Variants in ZNF680 observed in about 807,000 individuals in gnomAD.
The protein encoded by ZNF680 is hypothetical protein FLJ90430.
Under a neutral mutation model 12.1 loss-of-function variants are expected in ZNF680, and 6 were observed. That is an observed-to-expected ratio of 0.49 (90% CI 0.27 to 0.98). The LOEUF is 0.98. Ranked by LOEUF, ZNF680 falls within the 50% of genes least tolerant of loss-of-function variation. The pLI, the probability that ZNF680 is intolerant of heterozygous loss-of-function variation, is 0.12. For missense variants in ZNF680, 561 were observed against 616.3 expected (o/e 0.91, Z 0.95); for synonymous variants, 170 against 199.3 (o/e 0.85, Z 1.24).
At chr7:64,535,799 C>T (rs1786134698) in intron 3 of ZNF680, among the ~76,000 whole-genome samples, 1 of 151,980 alleles carries the variant, frequency 6.6e-6, no homozygotes, top group Non-Finnish European at 1.5e-5. Context: ...CAAAAAGTAG[C>T]CAGGCATCGT....
chr7:64,516,835 A>C (rs567597922), downstream of ZNF680, among the ~76,000 whole-genome samples: 4 of 152,344 alleles, frequency 2.6e-5, no homozygotes, highest in Admixed American at 2.6e-4. Context: ...ATTCAAATAC[A>C]TGGAAATTAA....
At chr7:64,505,058 C>T in the ZNF680 span, among the ~76,000 whole-genome samples, 15 of 152,314 alleles carry the variant, frequency 9.8e-5, no homozygotes, top group East Asian at 1.9e-4. Context: ...CTAAATAATA[C>T]TCCCTTTGAA....
At chr7:64,542,901 G>A (rs1441813943) in intron 3 of ZNF680, among the ~76,000 whole-genome samples, 1 of 152,164 alleles carries the variant, frequency 6.6e-6, no homozygotes, top group Admixed American at 6.5e-5. Flanking sequence ...ATTTCACCCT[G>A]ATGGCCAGGC....
intron 1 of ZNF680, among the ~76,000 whole-genome samples, chr7:64,561,925 ACTCCGT>A (rs2116580415): frequency 7.1e-6 from 1 of 140,728 alleles, no homozygotes; most frequent in Non-Finnish European, 1.5e-5. Context: ...ACAGAGCAAG[ACTCCGT>A]CTCAAAAAAA....
chr7:64,502,009 TTTTTTTTTTTC>T, the ZNF680 span, among the ~76,000 whole-genome samples: 2 of 111,114 alleles, frequency 1.8e-5, no homozygotes, highest in Non-Finnish European at 3.7e-5. Flanking sequence ...TTTTTTTTTT[TTTTTTTTTTTC>T]CTGAGATGGA....
At chr7:64,554,549 A>T (rs958877601) in intron 1 of ZNF680, among the ~76,000 whole-genome samples, 1 of 152,188 alleles carries the variant, frequency 6.6e-6, no homozygotes, top group Non-Finnish European at 1.5e-5. Flanking sequence ...TGTCGAATAG[A>T]AAAGGGGGAA....
intron 1 of ZNF680, among the ~76,000 whole-genome samples, chr7:64,554,163 T>A (rs1787256145): frequency 6.9e-6 from 1 of 145,152 alleles, no homozygotes; most frequent in African/African-American, 2.6e-5. Flanking sequence ...CGGCCGCCCA[T>A]CGTCTGGGAT....
At chr7:64,542,884 A>G (rs1450303025) in intron 3 of ZNF680, among the ~76,000 whole-genome samples, 1 of 152,146 alleles carries the variant, frequency 6.6e-6, no homozygotes, top group Non-Finnish European at 1.5e-5. Flanking sequence ...TTTTTAGTTG[A>G]GATGGGATTT....
At chr7:64,507,878 CAT>C in the ZNF680 span, among the ~76,000 whole-genome samples, 199 of 119,540 alleles carry the variant, frequency 1.7e-3, 1 homozygote, top group African/African-American at 6.2e-3. Context: ...CACACACACA[CAT>C]TTTTTTATTT....
intron 1 of ZNF680, among the ~76,000 whole-genome samples, chr7:64,562,292 G>A (rs73130787): frequency 0.23 from 34,185 of 151,558 alleles, 4,044 homozygotes; most frequent in South Asian, 0.28. Flanking sequence ...ATTACATTGG[G>A]GGAAATAAAA....
chr7:64,522,343 T>C lies in ZNF680; in HGVS notation c.411A>G (p.Glu137=). ...KSVDESKVFK[E]GYNELNQCLR... ...AACATTGGTTAAGTTCATTATAACC[T>C]TCTTTGAACACCTTAGACTCATCCA... The change falls in exon 4 of 4, where the codon GAA becomes GAG. Residue 137 remains glutamate, a synonymous_variant. Coordinates refer to ENST00000309683, the MANE Select transcript of ZNF680 (RefSeq NM_178558.5). The C allele has an allele frequency of 6.2e-7, 1 of 1,613,014 alleles. No homozygotes were observed. Among genetic ancestry groups the C allele is most frequent in the Non-Finnish European group, 8.5e-7 (1 of 1,179,422 alleles).
intron 3 of ZNF680, among the ~76,000 whole-genome samples, chr7:64,523,143 C>T (rs76221602): frequency 0.026 from 3,894 of 151,878 alleles, 152 homozygotes; most frequent in African/African-American, 0.087. Flanking sequence ...TAATGGTGCA[C>T]AAAATGTTAA....
At chr7:64,502,450 G>C in the ZNF680 span, among the ~76,000 whole-genome samples, 1 of 152,168 alleles carries the variant, frequency 6.6e-6, no homozygotes, top group Non-Finnish European at 1.5e-5. Context: ...AAAAGCAGCT[G>C]AGTTAGAAGT....
At chr7:64,557,057 T>C (rs1034124210) in intron 1 of ZNF680, among the ~76,000 whole-genome samples, 3 of 152,168 alleles carry the variant, frequency 2.0e-5, no homozygotes, top group Non-Finnish European at 4.4e-5. Context: ...GAGACCATCC[T>C]GGCAAACATG....
the ZNF680 span, chr7:64,500,972 A>G: frequency 6.0e-6 from 4 of 664,672 alleles, no homozygotes; most frequent in Non-Finnish European, 1.1e-5. Context: ...CTCAGTTCAT[A>G]AGGGCTTTGC....
chr7:64,535,760 A>G (rs1219568815), intron 3 of ZNF680, among the ~76,000 whole-genome samples: 7 of 152,026 alleles, frequency 4.6e-5, no homozygotes, highest in Non-Finnish European at 1.5e-5. Flanking sequence ...CCTGGACAAA[A>G]TGATGAAACC....
the ZNF680 span, among the ~76,000 whole-genome samples, chr7:64,514,325 T>A: frequency 1.3e-5 from 2 of 152,356 alleles, no homozygotes; most frequent in South Asian, 4.1e-4. Flanking sequence ...AATGTCTAAA[T>A]GTGCACCATC....
the ZNF680 span, among the ~76,000 whole-genome samples, chr7:64,507,145 G>A: frequency 2.0e-5 from 3 of 152,088 alleles, no homozygotes; most frequent in South Asian, 6.2e-4. Context: ...TTTGAAACAA[G>A]ATAAATTTAG....
At chr7:64,504,791 G>C in the ZNF680 span, among the ~76,000 whole-genome samples, 1 of 152,178 alleles carries the variant, frequency 6.6e-6, no homozygotes, top group Non-Finnish European at 1.5e-5. Flanking sequence ...GCTGTTATTT[G>C]CATGTCCAGA....
Sources: allele counts gnomAD v4.1 joint callset (sites outside exome capture counted in the v4.1 genomes callset), GRCh38; gene constraint gnomAD v4.1.1; transcripts MANE v1.5; gene names NCBI Gene and HGNC (gene_info 2026-07-23, HGNC 2026-07-21).